NAALADL2: variants seen among roughly 807,000 people sequenced by gnomAD.
NAALADL2 encodes inactive N-acetylated-alpha-linked acidic dipeptidase-like protein 2.
Under a neutral mutation model 87.2 loss-of-function variants are expected in NAALADL2, and 76 were observed. That is an observed-to-expected ratio of 0.87 (90% CI 0.72 to 1.05). NAALADL2 has a LOEUF of 1.05. Ranked by LOEUF, NAALADL2 falls within the 50% of genes least tolerant of loss-of-function variation. The pLI is 0.00. For missense variants in NAALADL2, 1,089 were observed against 945.8 expected, an observed-to-expected ratio of 1.15 and a Z score of -1.99; for synonymous variants, 354 against 331.0, an observed-to-expected ratio of 1.07 and a Z score of -0.75.
chr3:174,674,527 T>G (rs1726866393), intron 2 of NAALADL2, among the ~76,000 whole-genome samples: 2 of 152,006 alleles, frequency 1.3e-5, no homozygotes, highest in African/African-American at 2.4e-5. Flanking sequence ...TTTCCACCTA[T>G]CTTTATGTCG....
At chr3:175,566,004 A>G (rs559913629) in intron 9 of NAALADL2, among the ~76,000 whole-genome samples, 199 of 151,662 alleles carry the variant, frequency 1.3e-3, no homozygotes, top group African/African-American at 4.5e-3. Flanking sequence ...TAATTTTTGT[A>G]TTTTTAGTAA....
chr3:175,467,000 G>A lies in NAALADL2; in HGVS notation c.1349G>A (p.Ser450Asn). 1 of 1,613,342 alleles carries A rather than the reference G, an allele frequency of 6.2e-7. No individual in the cohort carries two copies. The highest frequency in any genetic ancestry group is 8.5e-7 in the Non-Finnish European group (1 of 1,179,382). ...TCAGACCGGTATATCATAGTTGGCA[G>A]CCATCATCACACTGCACACAGTTAT... is the stretch of plus-strand genomic sequence containing the variant. Reference protein sequence around the residue: ...TSPDRYIIVGSHHHTAHSYNG... With the variant: ...TSPDRYIIVGNHHHTAHSYNG... Residue 450 changes from serine (S) to asparagine (N), a missense_variant, in exon 8 of 14, where the codon AGC becomes AAC. Transcript: ENST00000454872.
intron 1 of NAALADL2, among the ~76,000 whole-genome samples, chr3:174,958,908 C>T (rs942243519): frequency 6.6e-6 from 1 of 152,054 alleles, no homozygotes; most frequent in African/African-American, 2.4e-5. Context: ...CATTTATAAG[C>T]ACTTAGCAGT....
At chr3:175,721,882 T>C (rs1466691301) in intron 11 of NAALADL2, among the ~76,000 whole-genome samples, 2 of 152,038 alleles carry the variant, frequency 1.3e-5, no homozygotes, top group Non-Finnish European at 2.9e-5. Flanking sequence ...AGGAGATTGT[T>C]TTTTAATGCA....
At chr3:174,816,102 T>A (rs548263819) in intron 3 of NAALADL2, among the ~76,000 whole-genome samples, 116 of 152,200 alleles carry the variant, frequency 7.6e-4, no homozygotes, top group Admixed American at 1.6e-3. Flanking sequence ...AAAATATATG[T>A]CCATAGGTTA....
At chr3:175,241,377 T>C (rs1027726932) in intron 3 of NAALADL2, among the ~76,000 whole-genome samples, 1 of 152,102 alleles carries the variant, frequency 6.6e-6, no homozygotes. Context: ...TGTGCCACCA[T>C]GCCCAGCTAA....
chr3:175,229,072 G>C (rs13100926), intron 2 of NAALADL2, among the ~76,000 whole-genome samples: 52,321 of 151,566 alleles, frequency 0.35, 9,620 homozygotes, highest in East Asian at 0.53. Flanking sequence ...AATTTAATAT[G>C]CATTCATAAA....
intron 2 of NAALADL2, among the ~76,000 whole-genome samples, chr3:175,172,693 A>G (rs963355022): frequency 3.3e-5 from 5 of 152,124 alleles, no homozygotes; most frequent in Non-Finnish European, 5.9e-5. Flanking sequence ...GTAAGATACT[A>G]ATTATAGTAG....
At chr3:175,614,519 A>G (rs1338583994) in intron 10 of NAALADL2, among the ~76,000 whole-genome samples, 1 of 152,230 alleles carries the variant, frequency 6.6e-6, no homozygotes. Flanking sequence ...AGTATTTAGC[A>G]TATATATTGA....
intron 9 of NAALADL2, among the ~76,000 whole-genome samples, chr3:175,536,872 C>G (rs887803554): frequency 6.6e-6 from 1 of 152,178 alleles, no homozygotes; most frequent in Non-Finnish European, 1.5e-5. Context: ...GTCCCATCTA[C>G]TCTGGAGCCT....
chr3:175,799,111 G>A (rs952983092), intron 13 of NAALADL2, among the ~76,000 whole-genome samples: 33 of 152,098 alleles, frequency 2.2e-4, no homozygotes, highest in African/African-American at 7.5e-4. Context: ...AAGGTATGGA[G>A]ATAAAATGTT....
chr3:175,201,003 T>C (rs769493261), intron 2 of NAALADL2, among the ~76,000 whole-genome samples: 4 of 152,190 alleles, frequency 2.6e-5, no homozygotes, highest in Admixed American at 6.6e-5. Flanking sequence ...ACCTCTTCCA[T>C]GGAAATCCTT....
At chr3:175,285,265 T>C (rs1180186268) in intron 4 of NAALADL2, among the ~76,000 whole-genome samples, 1 of 152,148 alleles carries the variant, frequency 6.6e-6, no homozygotes, top group Non-Finnish European at 1.5e-5. Context: ...ACTTGTTTTT[T>C]AAAAAGGTAT....
At chr3:174,864,839 C>G (rs1726950841) in intron 1 of NAALADL2, among the ~76,000 whole-genome samples, 1 of 151,952 alleles carries the variant, frequency 6.6e-6, no homozygotes, top group Non-Finnish European at 1.5e-5. Flanking sequence ...ATTAACCAAA[C>G]ATGTATTTGA....
At chr3:174,481,215 T>C (rs1168971358) in intron 1 of NAALADL2, among the ~76,000 whole-genome samples, 1 of 152,028 alleles carries the variant, frequency 6.6e-6, no homozygotes, top group Non-Finnish European at 1.5e-5. Flanking sequence ...AGGAGTGCAA[T>C]AGCATTAGCA....
At chr3:174,692,102 G>A (rs1728631256) in intron 2 of NAALADL2, 1 of 152,158 alleles carries the variant, frequency 6.6e-6, no homozygotes, top group African/African-American at 2.4e-5. Flanking sequence ...CATCTTGAAT[G>A]GCGAATATTG....
At chr3:174,969,561 A>G (rs960749755) in intron 1 of NAALADL2, among the ~76,000 whole-genome samples, 1 of 152,208 alleles carries the variant, frequency 6.6e-6, no homozygotes. Context: ...ATTTAAATTT[A>G]TTGTAACTAA....
chr3:174,650,096 T>A (rs1724204128), intron 2 of NAALADL2, among the ~76,000 whole-genome samples: 1 of 152,162 alleles, frequency 6.6e-6, no homozygotes, highest in African/African-American at 2.4e-5. Context: ...TAAACAAATT[T>A]ATTTTTTATT....
chr3:175,487,676 T>C, intron 9 of NAALADL2: 1 of 346,056 alleles, frequency 2.9e-6, no homozygotes, highest in South Asian at 2.2e-5. Flanking sequence ...CATATCATTA[T>C]AAGTTTTCAG....
Sources: gnomAD v4.1 joint callset for allele counts (sites outside exome capture counted in the v4.1 genomes callset) on GRCh38, gnomAD v4.1.1 for gene constraint, MANE v1.5 for transcripts, NCBI Gene and HGNC (gene_info 2026-07-23, HGNC 2026-07-21) for gene names.